LTBP4: variants seen among roughly 807,000 people sequenced by gnomAD.
LTBP4 encodes latent-transforming growth factor beta-binding protein 4.
In LTBP4, 93 loss-of-function variants were observed where a neutral mutation model predicts 180.2. That is an observed-to-expected ratio of 0.52 (90% CI 0.44 to 0.61). The LOEUF (loss-of-function observed/expected upper bound fraction) is 0.61, where lower values mean the gene tolerates loss of function less well. LTBP4 is among the 20% of genes least tolerant of loss of function. The pLI is 0.00. For missense variants in LTBP4, 2,116 were observed against 2,256.5 expected (o/e 0.94, Z 1.26); for synonymous variants, 947 against 934.5 (o/e 1.01, Z -0.24).
At position 40,625,288 on chromosome 19, in the gene LTBP4, A is replaced by T. The variant is rs868523374; in HGVS notation, c.3833-569A>T. 3.0e-3 allele frequency among the ~76,000 whole-genome samples: 19 copies of T among 6,236 alleles called. 2 individuals are homozygous for T. The highest frequency in any genetic ancestry group is 9.6e-3 in the African/African-American group (4 of 418). The allele number at this position is 6,236 out of a possible 152,430, so 4.1% of individuals were successfully genotyped here. On this transcript the variant is annotated intron_variant, in intron 26 of 29. Coordinates refer to ENST00000396819, the MANE Select transcript of LTBP4 (RefSeq NM_001042545.2). ...TATATATATATATATATATATATATATATATATATATATATATATATATAT... is the reference window on the plus strand; with the variant it reads ...TATATATATATATATATATATATATTTATATATATATATATATATATATAT...
In LTBP4 at chr19:40,609,769, C is replaced by T. The variant is rs771217658; in HGVS notation, c.1582C>T (p.Pro528Ser). ...AGATGTGGACGAATGTCGCCGCGTG[C>T]CCCCGCCCTGTGCTCCCGGGCGCTG... Reference protein sequence around the residue: ...CIDVDECRRVPPPCAPGRCEN... With the variant: ...CIDVDECRRVSPPCAPGRCEN... The change falls in exon 11 of 30, where the codon CCC (proline) becomes TCC (serine). Residue 528 changes from proline (P) to serine (S), a missense_variant. Coordinates refer to ENST00000396819, the MANE Select transcript of LTBP4 (RefSeq NM_001042545.2). The surrounding 1 kb of genome is among the most constrained non-coding windows in gnomAD (Gnocchi z 4.9). 11 of 1,611,760 alleles carry T rather than the reference C, an allele frequency of 6.8e-6. No homozygotes were observed. In the African/African-American group the frequency reaches 1.5e-4, roughly 22 times the overall value.
intron 1 of LTBP4, among the ~76,000 whole-genome samples, chr19:40,593,422 T>C (rs1263704606): frequency 6.6e-6 from 1 of 152,090 alleles, no homozygotes; most frequent in Non-Finnish European, 1.5e-5. Context: ...TTTAAGTTTT[T>C]TTGTAGAGAC....
chr19:40,610,537 G>C lies in LTBP4; in HGVS notation c.1690G>C (p.Asp564His). The C allele has an allele frequency of 6.3e-7, 1 of 1,594,472 alleles. No homozygotes were observed. The highest frequency in any genetic ancestry group is 1.1e-5 in the South Asian group (1 of 89,760). The change falls in exon 12 of 30, where the codon GAC (aspartate) becomes CAC (histidine). Residue 564 changes from aspartate (D) to histidine (H), a missense_variant. Physicochemically the swap from Asp to His is moderately conservative, Grantham distance 81. Around this residue, in one of 5 missense-constraint regions of LTBP4, gnomAD observed 877 missense variants for 873.6 expected, o/e 1.00. Coordinates refer to ENST00000396819, the MANE Select transcript of LTBP4 (RefSeq NM_001042545.2). ...GPRAAECLDV[D>H]ECHRVPPPCD... Reference sequence around the variant, plus strand: ...CGCCTGGTCTGTGCCTACAGATGTGGACGAGTGCCACCGCGTGCCGCCGCC... The same window carrying C: ...CGCCTGGTCTGTGCCTACAGATGTGCACGAGTGCCACCGCGTGCCGCCGCC...
rs1174644865 is a variant in LTBP4, at chr19:40,610,517, G to C, written c.1685-15G>C. 6 of 1,586,848 alleles carry C rather than the reference G, an allele frequency of 3.8e-6. No homozygotes were observed. Among genetic ancestry groups the C allele is most frequent in the Non-Finnish European group, 5.1e-6 (6 of 1,171,378 alleles). Reference sequence around the variant, plus strand: ...CTGTCTGCCCCAGTCCCAGCCGCCTGGTCTGTGCCTACAGATGTGGACGAG... The same window carrying C: ...CTGTCTGCCCCAGTCCCAGCCGCCTCGTCTGTGCCTACAGATGTGGACGAG... On this transcript the variant is annotated splice_polypyrimidine_tract_variant and intron_variant, in intron 11 of 29. Transcript: ENST00000396819.
upstream of LTBP4, among the ~76,000 whole-genome samples, chr19:40,598,352 GCTGGACACCCCCCTCT>G (rs2081402355): frequency 1.3e-5 from 2 of 151,054 alleles, no homozygotes. Flanking sequence ...GGGCCCACGC[GCTGGACACCCCCCTCT>G]CTGCACCCCC....
chr19:40,594,349 T>C lies in LTBP4; in HGVS notation c.16+1168T>C, dbSNP rs529384826. ...ATGAGTTAGGATTCAAGAGGTGACA[T>C]AGACACGATCCTGGGAGATAGTGAC... On this transcript the variant is annotated intron_variant, in intron 1 of 32. Coordinates refer to the LTBP4 transcript ENST00000204005. Among the ~76,000 whole-genome samples the C allele has an allele frequency of 6.6e-5, 10 of 151,316 alleles. No homozygotes were observed. In the East Asian group the frequency reaches 1.9e-3, roughly 29 times the overall value.
At chr19:40,612,542 G>A (rs1433021315) in intron 15 of LTBP4, among the ~76,000 whole-genome samples, 2 of 152,072 alleles carry the variant, frequency 1.3e-5, no homozygotes, top group East Asian at 3.9e-4. Context: ...CCATAGCACT[G>A]ACCATAACCT....
At chr19:40,607,721 A>G (rs942845900) in intron 7 of LTBP4, among the ~76,000 whole-genome samples, 192 bp downstream of exon 7, 2 of 152,146 alleles carry the variant, frequency 1.3e-5, no homozygotes, top group Non-Finnish European at 2.9e-5. Context: ...CTGTAGCCAC[A>G]GCCACCCCTC....
chr19:40,608,770 G>A (rs779663356), intron 9 of LTBP4, 167 bp downstream of exon 9: 11 of 706,426 alleles, frequency 1.6e-5, no homozygotes, highest in Non-Finnish European at 2.5e-5. Flanking sequence ...AATTAACTGG[G>A]CGTGGTGGCA....
At chr19:40,625,277 TATATATATATATATATA>T (rs2081619074) in intron 26 of LTBP4, among the ~76,000 whole-genome samples, 2 of 7,686 alleles carry the variant, frequency 2.6e-4, no homozygotes, top group African/African-American at 6.2e-4. Context: ...TATATATATA[TATATATATATATATATA>T]TATATATATA....
At position 40,627,327 on chromosome 19, in the gene LTBP4, G is replaced by A. The variant is rs1245679271; in HGVS notation, c.4338G>A (p.Glu1446=). Residue 1446 remains glutamate (E), a synonymous_variant, in exon 28 of 30, where the codon GAG becomes GAA. Transcript: ENST00000396819. The part of the protein sequence containing the change: ...RDTRRSFPEP[E]EPPEGGSYAG... ...CCCGCCGCTCCTTCCCAGAGCCCGAGGAGCCTCCTGAAGGTGGAAGCTATG... is the reference window on the plus strand; with the variant it reads ...CCCGCCGCTCCTTCCCAGAGCCCGAAGAGCCTCCTGAAGGTGGAAGCTATG... The A allele has an allele frequency of 2.0e-6, 3 of 1,520,034 alleles. No homozygotes were observed. Among genetic ancestry groups the A allele is most frequent in the East Asian group, 2.4e-5 (1 of 41,970 alleles). The allele number at this position is 1,520,034 out of a possible 1,614,324, so 94.2% of individuals were successfully genotyped here. A position where few individuals can be genotyped will look rare whatever the true frequency, so the allele number is the denominator to read the frequency against.
rs745679361 is a variant in LTBP4, at chr19:40,606,314, CG to C, written c.868+11del. The C allele has an allele frequency of 1.7e-5, 22 of 1,271,298 alleles. No homozygotes were observed. The highest frequency in any genetic ancestry group is 2.3e-5 in the Non-Finnish European group (20 of 872,574). The allele number at this position is 1,271,298 out of a possible 1,614,324, so 78.8% of individuals were successfully genotyped here. A position where few individuals can be genotyped will look rare whatever the true frequency, so the allele number is the denominator to read the frequency against. Reference sequence around the variant, plus strand: ...GTTAATGGGTCCTGCGAAGGTGCAACGGGGCAGGGGTGGGAGGGGCTTGGTT... The same window carrying C: ...GTTAATGGGTCCTGCGAAGGTGCAACGGGCAGGGGTGGGAGGGGCTTGGTT... On this transcript the variant is annotated splice_region_variant and intron_variant, in intron 5 of 29. Transcript: ENST00000396819.
rs996379229 is a variant in LTBP4 at position 40,617,171 on chromosome 19, C to G, written c.3016C>G (p.Gln1006Glu). The change falls in exon 21 of 30, where the codon CAG becomes GAG. Residue 1006 changes from glutamine (Q) to glutamate (E), a missense_variant. Physicochemically the swap from Gln to Glu is conservative, Grantham distance 29. Coordinates refer to ENST00000396819, the MANE Select transcript of LTBP4 (RefSeq NM_001042545.2). ...GTGCCAGAACCTGCCCGGCTCCTTC[C>G]AGTGCCTCTGTGACCAGGGTTACGA... ...AVCQNLPGSF[Q>E]CLCDQGYEGA... 2 of 1,613,878 alleles carry G rather than the reference C, an allele frequency of 1.2e-6. No individual in the cohort carries two copies. The highest frequency in any genetic ancestry group is 1.7e-6 in the Non-Finnish European group (2 of 1,179,836).
At position 40,627,267 on chromosome 19, in the gene LTBP4, C is replaced by A. The variant is rs1267945822; in HGVS notation, c.4278C>A (p.Gly1426=). 1.3e-6 allele frequency: 2 copies of A among 1,561,364 alleles called. No individual in the cohort carries two copies. The highest frequency in any genetic ancestry group is 1.2e-5 in the South Asian group (1 of 85,850). The part of the protein sequence containing the change: ...YGESEAPAPP[G]PGTRWPYRSR... ...AATCTGAGGCTCCTGCGCCACCTGG[C>A]CCGGGCACCCGCTGGCCCTATCGGT... The change falls in exon 28 of 30, where the codon GGC becomes GGA. Residue 1426 remains glycine (G), a synonymous_variant. Transcript: ENST00000396819.
upstream of LTBP4, chr19:40,597,226 C>A (rs1167229086): frequency 6.8e-7 from 1 of 1,479,218 alleles, no homozygotes; most frequent in Admixed American, 2.2e-5. Context: ...GGACTCGGCG[C>A]CCGACACGAT....
intron 19 of LTBP4, 130 bp downstream of exon 19, chr19:40,614,576 C>A (rs1427545113): frequency 1.6e-6 from 2 of 1,223,972 alleles, no homozygotes; most frequent in East Asian, 5.1e-5. Context: ...CTCACCGTAT[C>A]TCTGTAGTGG....
chr19:40,609,972 C>A lies in LTBP4; in HGVS notation c.1684+101C>A. On this transcript the variant is annotated intron_variant, in intron 11 of 29. Transcript: ENST00000396819. This position sits in a 1 kb window ranked among gnomAD's most constrained non-coding sequence, Gnocchi z 4.9. The stretch of plus-strand genomic sequence containing the variant: ...CCCTCCCACGCTTCCCCTCTCGGGT[C>A]CCGCCCCAGGACTGCTCTGCCCTGG... The A allele has an allele frequency of 7.1e-7, 1 of 1,416,742 alleles. No homozygotes were observed. Among genetic ancestry groups the A allele is most frequent in the East Asian group, 2.5e-5 (1 of 39,812 alleles). The allele number at this position is 1,416,742 out of a possible 1,614,324, so 87.8% of individuals were successfully genotyped here.
chr19:40,617,938 A>G (rs1213778551), intron 21 of LTBP4, among the ~76,000 whole-genome samples: 1 of 152,160 alleles, frequency 6.6e-6, no homozygotes, highest in Non-Finnish European at 1.5e-5. Context: ...CCATTAATCC[A>G]TCTAATTTTT....
At chr19:40,628,152 A>G (rs1445550754) in intron 29 of LTBP4, among the ~76,000 whole-genome samples, 1 of 152,258 alleles carries the variant, frequency 6.6e-6, no homozygotes, top group Non-Finnish European at 1.5e-5. Flanking sequence ...GGCAGTCTGC[A>G]GGACCTCTTT....
Sources: gnomAD v4.1 joint callset for allele counts (sites outside exome capture counted in the v4.1 genomes callset) on GRCh38, gnomAD v4.1.1 for gene constraint, gnomAD v4.1.1 regional missense constraint, Gnocchi (gnomAD v3.1) non-coding constraint, MANE v1.5 for transcripts, NCBI Gene and HGNC (gene_info 2026-07-23, HGNC 2026-07-21) for gene names.